DLGAP1: variants seen among roughly 807,000 people sequenced by gnomAD.
DLGAP1 encodes disks large-associated protein 1.
DLGAP1 carries 11 observed loss-of-function variants against 90.8 expected under a neutral mutation model. The observed-to-expected ratio is 0.12, with a 90% CI of 0.08 to 0.20. The LOEUF (loss-of-function observed/expected upper bound fraction) is 0.20, where lower values mean the gene tolerates loss of function less well. Among genes scored for constraint, DLGAP1 ranks in the 10% least tolerant of loss-of-function variants. The probability of loss-of-function intolerance (pLI) is 1.00; values close to 1 mark genes in which losing one functional copy is unlikely to be tolerated. For synonymous variants in DLGAP1, 558 were observed against 540.7 expected (o/e 1.03, Z -0.44); for missense variants, 1,050 against 1,333.8 (o/e 0.79, Z 3.31).
chr18:4,190,535 T>C (rs1179076973), intron 1 of DLGAP1, among the ~76,000 whole-genome samples: 1 of 152,114 alleles, frequency 6.6e-6, no homozygotes, highest in African/African-American at 2.4e-5. Flanking sequence ...TTAGTGAATA[T>C]TTATGTATTA....
At chr18:4,399,970 T>C (rs1325317883) in intron 1 of DLGAP1, among the ~76,000 whole-genome samples, 2 of 152,052 alleles carry the variant, frequency 1.3e-5, no homozygotes, top group South Asian at 2.1e-4. Context: ...CCTGAGAGCA[T>C]CATTAATAAA....
intron 11 of DLGAP1, among the ~76,000 whole-genome samples, chr18:3,507,068 A>G (rs534321002): frequency 4.6e-5 from 7 of 152,192 alleles, no homozygotes; most frequent in Admixed American, 2.0e-4. Flanking sequence ...CTAAGGAGAG[A>G]TTACAAAGAG....
At chr18:4,141,938 G>A (rs1247251691) in intron 2 of DLGAP1, among the ~76,000 whole-genome samples, 1 of 151,958 alleles carries the variant, frequency 6.6e-6, no homozygotes, top group Non-Finnish European at 1.5e-5. Context: ...TGTTTGAAAG[G>A]TCACATATCT....
intron 1 of DLGAP1, among the ~76,000 whole-genome samples, chr18:4,347,128 A>G (rs952902602): frequency 6.6e-6 from 1 of 152,122 alleles, no homozygotes; most frequent in Non-Finnish European, 1.5e-5. Flanking sequence ...CCAGAGAATC[A>G]CGTGTACTAA....
chr18:4,045,432 CAAAAAAAAAAAAAAAAAA>C (rs763466156), intron 2 of DLGAP1, among the ~76,000 whole-genome samples: 5 of 29,192 alleles, frequency 1.7e-4, no homozygotes, highest in Non-Finnish European at 2.4e-4. Flanking sequence ...CCCATCTCTA[CAAAAAAAAAAAAAAAAAA>C]AAAAAAAAAA....
intron 1 of DLGAP1, among the ~76,000 whole-genome samples, chr18:4,245,306 A>G (rs1042700932): frequency 1.3e-5 from 2 of 152,172 alleles, no homozygotes; most frequent in East Asian, 3.8e-4. Flanking sequence ...CTTTTCTTTC[A>G]TCAGCATTAT....
At chr18:3,525,588 C>T (rs563602062) in intron 10 of DLGAP1, among the ~76,000 whole-genome samples, 228 of 152,154 alleles carry the variant, frequency 1.5e-3, no homozygotes, top group Non-Finnish European at 2.6e-3. Context: ...TTAGTAGAGA[C>T]GGAGTTTCAA....
chr18:3,924,516 T>G (rs2072337160), intron 3 of DLGAP1, among the ~76,000 whole-genome samples: 1 of 152,232 alleles, frequency 6.6e-6, no homozygotes, highest in South Asian at 2.1e-4. Flanking sequence ...TACACAAATC[T>G]CAAGTTTTGG....
chr18:3,548,674 T>C (rs2053202515), intron 9 of DLGAP1, among the ~76,000 whole-genome samples: 1 of 151,572 alleles, frequency 6.6e-6, no homozygotes. Flanking sequence ...TACTTAAAGG[T>C]GAAAAACTAC....
At chr18:3,663,675 C>G (rs1458305367) in intron 7 of DLGAP1, among the ~76,000 whole-genome samples, 3 of 152,172 alleles carry the variant, frequency 2.0e-5, no homozygotes, top group African/African-American at 7.2e-5. Context: ...TCAACAGTTA[C>G]CATATTGCTA....
chr18:4,173,552 T>C (rs2077057654), intron 1 of DLGAP1, among the ~76,000 whole-genome samples: 1 of 152,092 alleles, frequency 6.6e-6, no homozygotes, highest in Non-Finnish European at 1.5e-5. Flanking sequence ...TTTCTCATGG[T>C]TTCTATTTGA....
intron 9 of DLGAP1, among the ~76,000 whole-genome samples, chr18:3,560,700 G>A (rs79058105): frequency 6.7e-6 from 1 of 150,370 alleles, no homozygotes; most frequent in Admixed American, 6.6e-5. Flanking sequence ...TTATCTAGTC[G>A]GATTAACATC....
At chr18:3,597,282 T>C (rs1323777391) in intron 7 of DLGAP1, 1 of 491,634 alleles carries the variant, frequency 2.0e-6, no homozygotes, top group East Asian at 5.5e-5. Flanking sequence ...AAAGGAAAAA[T>C]CTGGAATGGA....
Position 3,499,459 on chromosome 18 carries a change from A to G in DLGAP1, c.2725-65T>C. ...CAGGACAAGCTTGGGAAAAACTGGG[A>G]TAGGTCAGTAGTTAGAACACACAGT... is the stretch of plus-strand genomic sequence containing the variant. On this transcript the variant is annotated intron_variant, in intron 12 of 12. Coordinates refer to ENST00000315677, the MANE Select transcript of DLGAP1 (RefSeq NM_004746.4). This position sits in a 1 kb window ranked among gnomAD's most constrained non-coding sequence, Gnocchi z 6.4. 6.6e-7 allele frequency: 1 copy of G among 1,512,588 alleles called. No homozygotes were observed. Among genetic ancestry groups the G allele is most frequent in the Non-Finnish European group, 9.0e-7 (1 of 1,117,196 alleles). The allele number at this position is 1,512,588 out of a possible 1,614,324, so 93.7% of individuals were successfully genotyped here.
intron 10 of DLGAP1, among the ~76,000 whole-genome samples, chr18:3,531,217 A>G (rs187348443): frequency 1.4e-3 from 209 of 152,174 alleles, no homozygotes; most frequent in African/African-American, 4.8e-3. Context: ...CGGGTGGATC[A>G]CCTGAGGTCA....
At chr18:4,252,420 A>G (rs1014900098) in intron 1 of DLGAP1, among the ~76,000 whole-genome samples, 1 of 152,246 alleles carries the variant, frequency 6.6e-6, no homozygotes, top group African/African-American at 2.4e-5. Flanking sequence ...GGGGGAACTG[A>G]GAAAAGTATT....
chr18:3,661,798 T>A (rs2059693937), intron 7 of DLGAP1, among the ~76,000 whole-genome samples: 1 of 151,868 alleles, frequency 6.6e-6, no homozygotes, highest in Non-Finnish European at 1.5e-5. Flanking sequence ...CTCAGGCTGG[T>A]CTCGAACTCC....
At chr18:3,689,751 A>G (rs1302355119) in intron 7 of DLGAP1, among the ~76,000 whole-genome samples, 1 of 152,210 alleles carries the variant, frequency 6.6e-6, no homozygotes, top group Non-Finnish European at 1.5e-5. Context: ...GTTCTGAGAG[A>G]TATAAAAGTA....
intron 7 of DLGAP1, among the ~76,000 whole-genome samples, chr18:3,720,575 C>T (rs538442232): frequency 6.6e-6 from 1 of 152,222 alleles, no homozygotes; most frequent in South Asian, 2.1e-4. Flanking sequence ...TTGGATTTAC[C>T]ACCTGGAGCT....
Sources: gnomAD v4.1 joint callset for allele counts (sites outside exome capture counted in the v4.1 genomes callset) on GRCh38, gnomAD v4.1.1 for gene constraint, Gnocchi (gnomAD v3.1) non-coding constraint, MANE v1.5 for transcripts, NCBI Gene and HGNC (gene_info 2026-07-23, HGNC 2026-07-21) for gene names.